Variants in PLEKHM3 observed in about 807,000 individuals in gnomAD.
PLEKHM3 encodes the protein pleckstrin homology domain containing M3.
Under a neutral mutation model 81.8 loss-of-function variants are expected in PLEKHM3, and 45 were observed. That is an observed-to-expected ratio of 0.55 (90% CI 0.43 to 0.71). The LOEUF is 0.71. PLEKHM3 is among the 30% of genes least tolerant of loss of function. PLEKHM3 has a pLI of 0.00. For missense variants in PLEKHM3, 788 were observed against 924.3 expected, an observed-to-expected ratio of 0.85 and a Z score of 1.91; for synonymous variants, 352 against 356.4, an observed-to-expected ratio of 0.99 and a Z score of 0.14.
In PLEKHM3 at chr2:208,001,821, G is replaced by T; in HGVS notation, c.-182C>A. 1.1e-6 allele frequency: 1 copy of T among 946,910 alleles called. No homozygotes were observed. Among genetic ancestry groups the T allele is most frequent in the Non-Finnish European group, 1.5e-6 (1 of 653,060 alleles). The allele number at this position is 946,910 out of a possible 1,614,324, so 58.7% of individuals were successfully genotyped here. ...GTTGATGTTTTCCTGGTAATTAAAAGCATTTGCTAGTGGCTAATGGGCATT... is the reference window on the plus strand; with the variant it reads ...GTTGATGTTTTCCTGGTAATTAAAATCATTTGCTAGTGGCTAATGGGCATT... On this transcript the variant is annotated 5_prime_UTR_variant, in exon 2 of 8. Transcript: ENST00000427836.
chr2:208,007,930 G>A (rs1369104895), intron 1 of PLEKHM3, among the ~76,000 whole-genome samples: 1 of 152,090 alleles, frequency 6.6e-6, no homozygotes, highest in Non-Finnish European at 1.5e-5. Flanking sequence ...GCGGGTACCT[G>A]TAGTCCCAGC....
At chr2:207,837,703 C>A (rs992816214) in intron 7 of PLEKHM3, among the ~76,000 whole-genome samples, 2 of 144,204 alleles carry the variant, frequency 1.4e-5, no homozygotes, top group African/African-American at 2.6e-5. Context: ...CTGCCCACCT[C>A]GGCCTCCCAA....
rs1192139812 is a variant in PLEKHM3 at position 207,865,801 on chromosome 2, A to AT, written c.1951-4540_1951-4539insA. 1.4e-3 allele frequency among the ~76,000 whole-genome samples: 36 copies of AT among 25,280 alleles called. 2 individuals carry two copies. The highest frequency in any genetic ancestry group is 7.3e-3 in the African/African-American group (35 of 4,784). The allele number at this position is 25,280 out of a possible 152,430, so 16.6% of individuals were successfully genotyped here. A position where few individuals can be genotyped will look rare whatever the true frequency, so the allele number is the denominator to read the frequency against. On this transcript the variant is annotated intron_variant, in intron 6 of 7. Coordinates refer to ENST00000427836, the MANE Select transcript of PLEKHM3 (RefSeq NM_001080475.3). ...CGACTCAAAAAAAAAAAAAAAAAAA[A>AT]AGATATATATATATATATATATATA...
At chr2:207,888,352 CAT>C (rs1687947829) in intron 6 of PLEKHM3, among the ~76,000 whole-genome samples, 1 of 66,596 alleles carries the variant, frequency 1.5e-5, no homozygotes, top group African/African-American at 6.1e-5. Context: ...TGCTTTTCTT[CAT>C]ACACACACAC....
chr2:208,023,324 T>TTTTTTTTTTTTTTTTTTTG (rs1693190038), intron 1 of PLEKHM3, among the ~76,000 whole-genome samples: 1 of 152,024 alleles, frequency 6.6e-6, no homozygotes, highest in African/African-American at 2.4e-5. Context: ...TAACTATTTT[T>TTTTTTTTTTTTTTTTTTTG]AAGTGTACAG....
intron 6 of PLEKHM3, among the ~76,000 whole-genome samples, chr2:207,899,487 C>T (rs77464890): frequency 5.0e-4 from 76 of 152,232 alleles, no homozygotes; most frequent in Non-Finnish European, 8.4e-4. Context: ...GCTCCTGATA[C>T]ATAGTACATG....
In PLEKHM3 at chr2:207,977,162, C is replaced by A; in HGVS notation, c.1035G>T (p.Gly345=). 6.2e-7 allele frequency: 1 copy of A among 1,614,180 alleles called. No individual in the cohort carries two copies. The highest frequency in any genetic ancestry group is 8.5e-7 in the Non-Finnish European group (1 of 1,180,034). The change falls in exon 3 of 8, where the codon GGG becomes GGT. Residue 345 remains glycine (G), a synonymous_variant. Coordinates refer to ENST00000427836, the MANE Select transcript of PLEKHM3 (RefSeq NM_001080475.3). ...CCAGGACAGGGGACGGTGGCAGCAG[C>A]CCACTGGTTTTCTTCTGGAAACTAT... The part of the protein sequence containing the change: ...QNHSFQKKTS[G]LLPPSPVLDS...
intron 6 of PLEKHM3, among the ~76,000 whole-genome samples, chr2:207,885,762 A>G (rs1687866096): frequency 6.6e-6 from 1 of 152,224 alleles, no homozygotes; most frequent in South Asian, 2.1e-4. Flanking sequence ...GATACTTAAA[A>G]ATGATTTTAT....
intron 1 of PLEKHM3, among the ~76,000 whole-genome samples, chr2:208,005,028 G>C (rs988497141): frequency 9.6e-6 from 1 of 103,724 alleles, no homozygotes; most frequent in African/African-American, 2.7e-5. Flanking sequence ...GTTTCACCAT[G>C]TTGCCAGGCT....
intron 5 of PLEKHM3, among the ~76,000 whole-genome samples, chr2:207,913,588 C>G (rs1688881344): frequency 6.6e-6 from 1 of 151,998 alleles, no homozygotes; most frequent in South Asian, 2.1e-4. Context: ...TGACCTCAGA[C>G]TGGGTGGTTT....
At chr2:207,956,761 G>A (rs1323263621) in intron 3 of PLEKHM3, among the ~76,000 whole-genome samples, 1 of 124,380 alleles carries the variant, frequency 8.0e-6, no homozygotes, top group Admixed American at 8.9e-5. Context: ...AGACCCAGGG[G>A]TCTTGCTATG....
At chr2:207,882,998 T>C (rs1055676806) in intron 6 of PLEKHM3, among the ~76,000 whole-genome samples, 4 of 152,074 alleles carry the variant, frequency 2.6e-5, no homozygotes, top group African/African-American at 7.2e-5. Context: ...TCCACCCACC[T>C]TGGCCTCCCA....
chr2:207,848,694 A>G (rs2092397237), intron 7 of PLEKHM3, among the ~76,000 whole-genome samples: 1 of 152,256 alleles, frequency 6.6e-6, no homozygotes, highest in African/African-American at 2.4e-5. Flanking sequence ...GCCAAGGCAA[A>G]GAACAAAGTC....
intron 6 of PLEKHM3, among the ~76,000 whole-genome samples, chr2:207,869,605 T>C (rs1444839012): frequency 6.6e-6 from 1 of 152,196 alleles, no homozygotes; most frequent in Admixed American, 6.5e-5. Flanking sequence ...TGTAACAAAA[T>C]TAGGTCACTT....
chr2:207,860,730 G>T (rs2092463171), intron 7 of PLEKHM3, among the ~76,000 whole-genome samples: 2 of 152,108 alleles, frequency 1.3e-5, no homozygotes, highest in Non-Finnish European at 2.9e-5. Context: ...CTGGCGGTCG[G>T]TCCAGTTTGG....
intron 3 of PLEKHM3, among the ~76,000 whole-genome samples, chr2:207,949,188 C>T (rs1369773185): frequency 6.6e-6 from 1 of 152,234 alleles, no homozygotes; most frequent in Non-Finnish European, 1.5e-5. Context: ...AACAGCCTTT[C>T]ATTAATATCG....
At chr2:207,886,767 C>A (rs1404714913) in intron 6 of PLEKHM3, among the ~76,000 whole-genome samples, 2 of 152,150 alleles carry the variant, frequency 1.3e-5, no homozygotes, top group South Asian at 2.1e-4. Flanking sequence ...TCATTTTAAG[C>A]CACATCTATG....
At chr2:208,005,830 C>T (rs138386341) in intron 1 of PLEKHM3, among the ~76,000 whole-genome samples, 2 of 152,174 alleles carry the variant, frequency 1.3e-5, no homozygotes, top group Admixed American at 6.5e-5. Context: ...CATGTGCATG[C>T]GTTGAACAAA....
intron 3 of PLEKHM3, among the ~76,000 whole-genome samples, chr2:207,955,058 A>T (rs1690457884): frequency 6.6e-6 from 1 of 152,216 alleles, no homozygotes; most frequent in Non-Finnish European, 1.5e-5. Flanking sequence ...GTAAGTAAAT[A>T]TGTACACCAT....
Sources: gnomAD v4.1 joint callset for allele counts (sites outside exome capture counted in the v4.1 genomes callset) on GRCh38, gnomAD v4.1.1 for gene constraint, MANE v1.5 for transcripts, NCBI Gene and HGNC (gene_info 2026-07-23, HGNC 2026-07-21) for gene names.